Variants in TAFA2 observed in about 807,000 individuals in gnomAD.
TAFA2 encodes the protein TAFA chemokine like family member 2, also known as chemokine-like protein TAFA-2.
A neutral mutation model predicts 18.8 loss-of-function variants in TAFA2; 7 were observed. The ratio of observed to expected loss-of-function variants is 0.37; its 90% confidence interval spans 0.21 to 0.70. The LOEUF is 0.70. TAFA2 is among the 30% of genes least tolerant of loss of function. TAFA2 has a pLI of 0.53. For missense variants in TAFA2, 122 were observed against 158.1 expected (o/e 0.77, Z 1.23); for synonymous variants, 60 against 54.2 (o/e 1.11, Z -0.47).
chr12:62,151,565 T>C (rs1448784433), intron 1 of TAFA2, among the ~76,000 whole-genome samples: 2 of 152,246 alleles, frequency 1.3e-5, no homozygotes, highest in Non-Finnish European at 1.5e-5. Context: ...TGATACTTTA[T>C]GACGAGACTT....
Position 61,843,491 on chromosome 12 carries a change from G to GT in TAFA2, c.106+23828dup, listed in dbSNP as rs201946029. Among the ~76,000 whole-genome samples the GT allele has an allele frequency of 9.9e-3, 1,512 of 152,238 alleles. 11 individuals are homozygous for GT. The highest frequency in any genetic ancestry group is 0.014 in the Admixed American group (210 of 15,274). ...AGGATAGTAATCTGTAATACACAGA[G>GT]TAAGTTTTCAAAGGGTCATAATGGG... is the stretch of plus-strand genomic sequence containing the variant. On this transcript the variant is annotated intron_variant, in intron 2 of 4. Coordinates refer to ENST00000416284, the MANE Select transcript of TAFA2 (RefSeq NM_178539.5).
chr12:62,010,656 A>C (rs1478819906), intron 1 of TAFA2, among the ~76,000 whole-genome samples: 571 of 91,020 alleles, frequency 6.3e-3, no homozygotes, highest in Middle Eastern at 0.01. Context: ...GGCCGCCCTT[A>C]CTCTGGGAGG....
At chr12:62,119,095 T>C (rs1276006667) in intron 1 of TAFA2, among the ~76,000 whole-genome samples, 1 of 152,164 alleles carries the variant, frequency 6.6e-6, no homozygotes, top group African/African-American at 2.4e-5. Flanking sequence ...TTAATCTATA[T>C]GGAGTTGTTT....
intron 1 of TAFA2, among the ~76,000 whole-genome samples, chr12:61,872,547 C>T (rs1011384147): frequency 3.9e-5 from 6 of 152,042 alleles, no homozygotes; most frequent in Non-Finnish European, 7.4e-5. Context: ...CTTAAAATCC[C>T]GGAATTTACC....
At chr12:61,711,035 T>A (rs1869382419) in intron 4 of TAFA2, among the ~76,000 whole-genome samples, 1 of 152,012 alleles carries the variant, frequency 6.6e-6, no homozygotes, top group African/African-American at 2.4e-5. Context: ...ATGTTAAAGG[T>A]GCCCCAAAAT....
At chr12:61,772,499 A>G (rs951583542) in intron 2 of TAFA2, among the ~76,000 whole-genome samples, 30 of 152,050 alleles carry the variant, frequency 2.0e-4, no homozygotes, top group Non-Finnish European at 3.7e-4. Context: ...AGCATTATCA[A>G]AAAGATAATA....
chr12:62,022,802 C>A (rs575395876), intron 1 of TAFA2, among the ~76,000 whole-genome samples: 41 of 152,250 alleles, frequency 2.7e-4, no homozygotes, highest in Admixed American at 2.5e-3. Flanking sequence ...CGATTATTGA[C>A]TGAGTGTCTA....
chr12:62,150,479 C>A (rs1286143453), intron 1 of TAFA2, among the ~76,000 whole-genome samples: 3 of 152,198 alleles, frequency 2.0e-5, no homozygotes, highest in Non-Finnish European at 4.4e-5. Flanking sequence ...AGCCCCTCTT[C>A]CAACCCATCC....
chr12:61,760,076 T>G (rs1233843954), intron 2 of TAFA2, among the ~76,000 whole-genome samples: 1 of 3,480 alleles, frequency 2.9e-4, no homozygotes, highest in Admixed American at 3.3e-3. Flanking sequence ...TGCCCAGTGC[T>G]TTTTTTTTTT....
chr12:61,943,523 G>C (rs1161834056), intron 1 of TAFA2, among the ~76,000 whole-genome samples: 3 of 145,444 alleles, frequency 2.1e-5, no homozygotes, highest in African/African-American at 7.6e-5. Flanking sequence ...TGGATAAAGA[G>C]TCAAGACCCA....
At chr12:61,810,216 C>G (rs574163616) in intron 2 of TAFA2, among the ~76,000 whole-genome samples, 2 of 151,490 alleles carry the variant, frequency 1.3e-5, no homozygotes, top group South Asian at 4.1e-4. Context: ...AATTCTGCCT[C>G]TATGGTTTTT....
At chr12:62,046,946 T>C (rs1015009530) in intron 1 of TAFA2, among the ~76,000 whole-genome samples, 1 of 152,080 alleles carries the variant, frequency 6.6e-6, no homozygotes, top group Non-Finnish European at 1.5e-5. Flanking sequence ...TGCAGGTTGT[T>C]ACATAGGTAA....
intron 1 of TAFA2, among the ~76,000 whole-genome samples, chr12:61,986,210 G>C (rs1879812996): frequency 7.5e-6 from 1 of 132,684 alleles, no homozygotes; most frequent in Admixed American, 8.7e-5. Flanking sequence ...ACTCGCCCAG[G>C]CTGGAGTTCA....
In TAFA2 at chr12:62,231,120, T is replaced by C. The variant is rs1477904485; in HGVS notation, c.-130+27643A>G. On this transcript the variant is annotated intron_variant, in intron 1 of 5. Coordinates refer to the TAFA2 transcript ENST00000551619. ...ATTTATTTTTGGTCTGGATGATCTA[T>C]TACTAAGAGCTGGGTGTTGAAGTCC... Among the ~76,000 whole-genome samples, 8 of 152,374 alleles carry C rather than the reference T, an allele frequency of 5.3e-5. No individual in the cohort carries two copies. In the East Asian group the frequency reaches 7.7e-4, roughly 15 times the overall value.
At chr12:61,847,719 A>G (rs938181689) in intron 2 of TAFA2, among the ~76,000 whole-genome samples, 18 of 152,250 alleles carry the variant, frequency 1.2e-4, no homozygotes, top group African/African-American at 4.3e-4. Context: ...TCTGCAGAGC[A>G]TGAGCAGTTT....
chr12:61,940,556 G>C (rs907276901), intron 1 of TAFA2, among the ~76,000 whole-genome samples: 1 of 152,204 alleles, frequency 6.6e-6, no homozygotes, highest in Non-Finnish European at 1.5e-5. Context: ...TGGCTTTAGA[G>C]GTAACAATCA....
At chr12:61,973,830 T>A (rs771493150) in intron 1 of TAFA2, among the ~76,000 whole-genome samples, 2 of 151,736 alleles carry the variant, frequency 1.3e-5, no homozygotes, top group Non-Finnish European at 2.9e-5. Context: ...CTTGGGGAAG[T>A]GAGCAGGGAG....
At chr12:61,808,495 G>A (rs1871721939) in intron 2 of TAFA2, among the ~76,000 whole-genome samples, 2 of 151,296 alleles carry the variant, frequency 1.3e-5, no homozygotes, top group South Asian at 2.1e-4. Context: ...GAAAATACCT[G>A]TAGTAACTCC....
intron 1 of TAFA2, among the ~76,000 whole-genome samples, chr12:62,052,591 A>C (rs1288221103): frequency 6.6e-6 from 1 of 151,904 alleles, no homozygotes; most frequent in Non-Finnish European, 1.5e-5. Flanking sequence ...GCTCACCTTC[A>C]CTCTGTTTTC....
Sources: gnomAD v4.1 joint callset for allele counts (sites outside exome capture counted in the v4.1 genomes callset) on GRCh38, gnomAD v4.1.1 for gene constraint, MANE v1.5 for transcripts, NCBI Gene and HGNC (gene_info 2026-07-23, HGNC 2026-07-21) for gene names.